CCSER1: variants seen among roughly 807,000 people sequenced by gnomAD.
CCSER1 encodes serine-rich coiled-coil domain-containing protein 1.
In CCSER1, 41 loss-of-function variants were observed where a neutral mutation model predicts 82.0. The ratio of observed to expected loss-of-function variants is 0.50; its 90% CI spans 0.39 to 0.65. The LOEUF (loss-of-function observed/expected upper bound fraction) is 0.65, where lower values mean the gene tolerates loss of function less well. CCSER1 is among the 30% of genes least tolerant of loss of function. The pLI is 0.00. For synonymous variants in CCSER1, 414 were observed against 383.9 expected (o/e 1.08, Z -0.92); for missense variants, 1,119 against 1,064.2 (o/e 1.05, Z -0.72).
Position 91,402,954 on chromosome 4 carries a change from G to A in CCSER1, c.2218-195618G>A, listed in dbSNP as rs536624210. Among the ~76,000 whole-genome samples, 10 of 152,216 alleles carry A rather than the reference G, an allele frequency of 6.6e-5. No individual in the cohort carries two copies. The East Asian group carries it at 1.9e-3, about 29-fold the overall frequency. ...AAGAAAGTCATTGGTAGCTTGATGCGGATGGCATTGAATCTATAAATTACC... is the reference window on the plus strand; with the variant it reads ...AAGAAAGTCATTGGTAGCTTGATGCAGATGGCATTGAATCTATAAATTACC... On this transcript the variant is annotated intron_variant, in intron 10 of 10. Coordinates refer to ENST00000509176, the MANE Select transcript of CCSER1 (RefSeq NM_001145065.2).
chr4:90,426,121 C>G (rs1757497521), intron 4 of CCSER1, among the ~76,000 whole-genome samples: 1 of 152,010 alleles, frequency 6.6e-6, no homozygotes, highest in African/African-American at 2.4e-5. Flanking sequence ...TCACAGAGGC[C>G]CAACATTCCT....
chr4:90,156,434 CT>C (rs2153358687), intron 1 of CCSER1, among the ~76,000 whole-genome samples: 1 of 152,244 alleles, frequency 6.6e-6, no homozygotes, highest in East Asian at 1.9e-4. Context: ...TCGTTGTTAA[CT>C]TTCTGTCTCG....
chr4:91,484,528 ATATT>A (rs901999832), intron 10 of CCSER1, among the ~76,000 whole-genome samples: 95 of 152,314 alleles, frequency 6.2e-4, no homozygotes, highest in African/African-American at 2.2e-3. Flanking sequence ...TTTCTATATA[ATATT>A]TATTTATAAA....
At chr4:91,578,619 G>T (rs972933718) in intron 10 of CCSER1, among the ~76,000 whole-genome samples, 5 of 151,934 alleles carry the variant, frequency 3.3e-5, no homozygotes, top group Non-Finnish European at 7.4e-5. Context: ...TTTAAAATGA[G>T]TCAAGTGAAT....
At chr4:90,329,920 T>C (rs1432811059) in intron 3 of CCSER1, among the ~76,000 whole-genome samples, 2 of 152,178 alleles carry the variant, frequency 1.3e-5, no homozygotes, top group African/African-American at 2.4e-5. Context: ...ATGTAACTTA[T>C]ATAATAACTC....
At chr4:90,984,379 G>C (rs1293270316) in intron 9 of CCSER1, among the ~76,000 whole-genome samples, 2 of 151,740 alleles carry the variant, frequency 1.3e-5, no homozygotes, top group Admixed American at 1.3e-4. Flanking sequence ...GATTCTAGTT[G>C]CAAGTAGGCA....
At chr4:90,752,909 T>C (rs1414114689) in intron 7 of CCSER1, among the ~76,000 whole-genome samples, 1 of 152,162 alleles carries the variant, frequency 6.6e-6, no homozygotes, top group Non-Finnish European at 1.5e-5. Context: ...AGTTTATTTC[T>C]ATCCAAGTCT....
intron 6 of CCSER1, among the ~76,000 whole-genome samples, chr4:90,669,064 G>T (rs12498647): frequency 6.6e-6 from 1 of 151,892 alleles, no homozygotes. Flanking sequence ...TCATATTTCA[G>T]ATAGACAATG....
At chr4:91,200,677 A>G (rs1374108937) in intron 10 of CCSER1, among the ~76,000 whole-genome samples, 5 of 152,048 alleles carry the variant, frequency 3.3e-5, no homozygotes, top group Admixed American at 6.6e-5. Context: ...CCTGATGTGA[A>G]ACAAGTAGAG....
At chr4:90,378,950 C>T (rs1033930960) in intron 3 of CCSER1, among the ~76,000 whole-genome samples, 4 of 152,082 alleles carry the variant, frequency 2.6e-5, no homozygotes, top group Non-Finnish European at 4.4e-5. Flanking sequence ...TGAACAGGAA[C>T]ACACATCTAC....
Position 91,598,808 on chromosome 4 carries a change from A to G in CCSER1, c.2454A>G (p.Thr818=). The change falls in exon 11 of 11, where the codon ACA becomes ACG. Residue 818 remains threonine, a synonymous_variant. Coordinates refer to ENST00000509176, the MANE Select transcript of CCSER1 (RefSeq NM_001145065.2). ...GTYETLTSDV[T]QNLRATVGQS... ...ATGAAACCCTCACTTCAGACGTTAC[A>G]CAGAACTTACGGGCCACCGTTGGGC... is the stretch of plus-strand genomic sequence containing the variant. 6.4e-7 allele frequency: 1 copy of G among 1,551,666 alleles called. No homozygotes were observed. Among genetic ancestry groups the G allele is most frequent in the Non-Finnish European group, 8.7e-7 (1 of 1,146,928 alleles).
intron 10 of CCSER1, among the ~76,000 whole-genome samples, chr4:91,434,014 G>T (rs1754488466): frequency 6.6e-6 from 1 of 152,214 alleles, no homozygotes; most frequent in African/African-American, 2.4e-5. Context: ...GAGACCGCTT[G>T]AGGAAGGAGC....
intron 10 of CCSER1, among the ~76,000 whole-genome samples, chr4:91,124,741 G>A (rs1237382925): frequency 1.3e-5 from 2 of 151,836 alleles, no homozygotes; most frequent in African/African-American, 4.8e-5. Context: ...CTCATTAAAT[G>A]TGTGTGAAAG....
intron 5 of CCSER1, among the ~76,000 whole-genome samples, chr4:90,483,327 A>G (rs1024980570): frequency 2.6e-5 from 4 of 152,046 alleles, no homozygotes; most frequent in Admixed American, 2.0e-4. Flanking sequence ...TCTTTATCCA[A>G]TTTGCCAGTC....
chr4:91,480,180 G>A (rs1757828105), intron 10 of CCSER1, among the ~76,000 whole-genome samples: 2 of 151,624 alleles, frequency 1.3e-5, no homozygotes, highest in South Asian at 4.2e-4. Context: ...CTTTGCTATT[G>A]TGAATAATGC....
intron 10 of CCSER1, among the ~76,000 whole-genome samples, chr4:91,525,350 G>C (rs902636573): frequency 1.3e-5 from 2 of 152,098 alleles, no homozygotes; most frequent in Admixed American, 1.3e-4. Context: ...GAAGACAATG[G>C]TATGTAGACT....
At chr4:91,211,042 AAAAC>A (rs1344110024) in intron 10 of CCSER1, among the ~76,000 whole-genome samples, 3 of 152,042 alleles carry the variant, frequency 2.0e-5, no homozygotes, top group African/African-American at 7.2e-5. Context: ...AAATGAATAA[AAAAC>A]AAATTATATT....
intron 8 of CCSER1, among the ~76,000 whole-genome samples, chr4:90,921,889 C>G (rs1728437003): frequency 6.6e-6 from 1 of 152,028 alleles, no homozygotes; most frequent in Admixed American, 6.6e-5. Context: ...AATGTTATTG[C>G]TCCTTTACCT....
chr4:91,096,772 A>G (rs551724981), intron 10 of CCSER1, among the ~76,000 whole-genome samples: 1 of 152,280 alleles, frequency 6.6e-6, no homozygotes, highest in South Asian at 2.1e-4. Context: ...AAGACAAAAT[A>G]TCATGCTCAC....
Sources: gnomAD v4.1 joint callset for allele counts (sites outside exome capture counted in the v4.1 genomes callset) on GRCh38, gnomAD v4.1.1 for gene constraint, MANE v1.5 for transcripts, NCBI Gene and HGNC (gene_info 2026-07-23, HGNC 2026-07-21) for gene names.